ZNF705A: variants seen among roughly 807,000 people sequenced by gnomAD.
ZNF705A encodes zinc finger protein 705A.
In ZNF705A, 8 loss-of-function variants were observed where a neutral mutation model predicts 16.6. The observed-to-expected ratio is 0.48, with a 90% CI of 0.28 to 0.87. The LOEUF is 0.87. Among genes scored for constraint, ZNF705A ranks in the 40% least tolerant of loss-of-function variants. ZNF705A has a pLI of 0.10. For synonymous variants in ZNF705A, 73 were observed against 117.3 expected (o/e 0.62, Z 2.44); for missense variants, 233 against 359.9 (o/e 0.65, Z 2.85).
chr12:8,166,052 A>G (rs75951090), intron 1 of ZNF705A, among the ~76,000 whole-genome samples: 4,864 of 152,252 alleles, frequency 0.032, 184 homozygotes, highest in African/African-American at 0.088. Context: ...GCTGCTGACA[A>G]GGGCCAGTGT....
At position 8,166,703 on chromosome 12, in the gene ZNF705A, G is replaced by T. The variant is rs76511228; in HGVS notation, c.-71-5852G>T. Among the ~76,000 whole-genome samples the T allele has an allele frequency of 6.0e-4, 92 of 152,378 alleles. No individual in the cohort carries two copies. The East Asian group carries it at 0.017, about 28-fold the overall frequency. ...TTTAATACCCCATGGAAATTGCCAA[G>T]GCTTGTGGCTTGCGCCCTCTAAAGC... On this transcript the variant is annotated intron_variant, in intron 1 of 5. Transcript: ENST00000396570.
At chr12:8,176,665 G>T (rs1433339896) in intron 4 of ZNF705A, among the ~76,000 whole-genome samples, 1 of 152,162 alleles carries the variant, frequency 6.6e-6, no homozygotes, top group Admixed American at 6.5e-5. Flanking sequence ...CAAGTTATCA[G>T]TTTGCATTGC....
At chr12:8,169,789 C>T (rs1470232152), upstream of ZNF705A, among the ~76,000 whole-genome samples, 2 of 152,268 alleles carry the variant, frequency 1.3e-5, no homozygotes, top group Admixed American at 1.3e-4. Context: ...GTCTAAATAG[C>T]CGTGAAAGGG....
intron 1 of ZNF705A, among the ~76,000 whole-genome samples, chr12:8,164,157 T>C (rs1157422273): frequency 6.6e-6 from 1 of 152,254 alleles, no homozygotes; most frequent in South Asian, 2.1e-4. Flanking sequence ...TTCTTAGCTG[T>C]AAGCACTATG....
intron 1 of ZNF705A, among the ~76,000 whole-genome samples, chr12:8,163,040 T>G (rs1215167531): frequency 6.6e-6 from 1 of 152,136 alleles, no homozygotes; most frequent in East Asian, 1.9e-4. Context: ...TATTCTCAAA[T>G]CCTCTTCACC....
At chr12:8,171,744 AT>A (rs35217701), upstream of ZNF705A, among the ~76,000 whole-genome samples, 70,754 of 150,968 alleles carry the variant, frequency 0.47, 17,308 homozygotes, top group Non-Finnish European at 0.56. Flanking sequence ...CCTAAAACAG[AT>A]TTTTTTTTTG....
At chr12:8,179,556 C>T (rs1948515189) in exon 5 of ZNF705A, 1 of 152,140 alleles carries the variant, frequency 6.6e-6, no homozygotes, top group African/African-American at 2.4e-5. Flanking sequence ...AATCTTAATA[C>T]GATCGGCCTT....
intron 4 of ZNF705A, 98 bp downstream of exon 5, chr12:8,176,040 G>A (rs1948482191): frequency 6.4e-7 from 1 of 1,565,834 alleles, no homozygotes; most frequent in Non-Finnish European, 8.7e-7. Flanking sequence ...TAATTAGGCT[G>A]GCATTAAGTG....
chr12:8,158,918 C>T (rs1229183356), intron 1 of ZNF705A, among the ~76,000 whole-genome samples: 3 of 152,010 alleles, frequency 2.0e-5, no homozygotes, highest in East Asian at 1.9e-4. Flanking sequence ...ACCCATCTCC[C>T]GAGCAGTGTA....
chr12:8,175,269 C>G (rs1166404515), exon 3 of ZNF705A: 1 of 1,597,210 alleles, frequency 6.3e-7, no homozygotes, highest in Non-Finnish European at 8.5e-7. Context: ...GCAGCTGGAG[C>G]AAGGAAAAGA....
intron 4 of ZNF705A, 61 bp from the exon 6 acceptor site, chr12:8,176,938 G>A: frequency 1.0e-5 from 16 of 1,568,040 alleles, no homozygotes; most frequent in Non-Finnish European, 1.4e-5. Context: ...CAAAGGTAGT[G>A]AAATGAATGT....
At chr12:8,171,487 C>T (rs951004705), upstream of ZNF705A, among the ~76,000 whole-genome samples, 16 of 152,064 alleles carry the variant, frequency 1.1e-4, no homozygotes, top group African/African-American at 3.1e-4. Context: ...ATATAAACCA[C>T]GATTGCAAGA....
intron 1 of ZNF705A, among the ~76,000 whole-genome samples, chr12:8,162,434 T>C (rs1249741293): frequency 1.3e-5 from 2 of 152,158 alleles, no homozygotes; most frequent in Non-Finnish European, 2.9e-5. Context: ...AGGCCGAAAC[T>C]TAGTCTATAG....
intron 1 of ZNF705A, among the ~76,000 whole-genome samples, chr12:8,167,508 C>T (rs771732151): frequency 2.2e-4 from 34 of 152,194 alleles, no homozygotes; most frequent in African/African-American, 7.9e-4. Flanking sequence ...TCAGAGGATG[C>T]ATTTTCCCAG....
At chr12:8,174,881 T>A (rs1340751113) in intron 2 of ZNF705A, among the ~76,000 whole-genome samples, 1 of 152,244 alleles carries the variant, frequency 6.6e-6, no homozygotes, top group Non-Finnish European at 1.5e-5. Context: ...GAATTTTTTT[T>A]TGTTCTGTGT....
intron 1 of ZNF705A, among the ~76,000 whole-genome samples, chr12:8,166,980 C>G (rs1366446587): frequency 2.6e-5 from 4 of 152,250 alleles, no homozygotes. Flanking sequence ...ATTTCTGCAG[C>G]CTGCTTGAAT....
intron 1 of ZNF705A, among the ~76,000 whole-genome samples, chr12:8,158,208 C>G (rs904068551): frequency 2.5e-4 from 38 of 152,122 alleles, no homozygotes; most frequent in Non-Finnish European, 4.4e-5. Flanking sequence ...CCTCAATTCT[C>G]AGATAATTTT....
At chr12:8,166,209 C>T (rs1455881143) in intron 1 of ZNF705A, among the ~76,000 whole-genome samples, 4 of 152,180 alleles carry the variant, frequency 2.6e-5, no homozygotes, top group African/African-American at 9.7e-5. Flanking sequence ...CCCACATTTT[C>T]CATCTGCATT....
At chr12:8,169,182 A>G (rs1948424046), upstream of ZNF705A, among the ~76,000 whole-genome samples, 2 of 152,158 alleles carry the variant, frequency 1.3e-5, no homozygotes, top group Admixed American at 1.3e-4. Flanking sequence ...CTGTTACACA[A>G]ACTTTGTATG....
Sources: gnomAD v4.1 joint callset for allele counts (sites outside exome capture counted in the v4.1 genomes callset) on GRCh38, gnomAD v4.1.1 for gene constraint, MANE v1.5 for transcripts, NCBI Gene and HGNC (gene_info 2026-07-23, HGNC 2026-07-21) for gene names.